The following JAK2 variants were observed in gnomAD, a reference collection of about 807,000 sequenced individuals.
JAK2 encodes the protein tyrosine-protein kinase JAK2.
In JAK2, 86 loss-of-function variants were observed where a neutral mutation model predicts 139.3. The observed-to-expected ratio is 0.62, with a 90% CI of 0.52 to 0.74. The LOEUF is 0.74. Among genes scored for constraint, JAK2 ranks in the 30% least tolerant of loss-of-function variants. The pLI, the probability that JAK2 is intolerant of heterozygous loss-of-function variation, is 0.00. For synonymous variants in JAK2, 490 were observed against 437.7 expected, an observed-to-expected ratio of 1.12 and a Z score of -1.49; for missense variants, 1,421 against 1,360.3, an observed-to-expected ratio of 1.04 and a Z score of -0.70.
chr9:5,109,511 A>C (rs1308395569), intron 22 of JAK2: 2 of 152,190 alleles, frequency 1.3e-5, no homozygotes, highest in Non-Finnish European at 2.9e-5. Context: ...GTATTTTTCC[A>C]CTACTATAAT....
chr9:5,060,531 T>A (rs944627421), intron 8 of JAK2, among the ~76,000 whole-genome samples: 1 of 152,210 alleles, frequency 6.6e-6, no homozygotes, highest in Non-Finnish European at 1.5e-5. Flanking sequence ...GAAACCATTT[T>A]TTTATGCATA....
chr9:4,989,547 T>C (rs1407416744), intron 2 of JAK2, among the ~76,000 whole-genome samples: 1 of 152,220 alleles, frequency 6.6e-6, no homozygotes, highest in African/African-American at 2.4e-5. Flanking sequence ...AAACAAATAT[T>C]TGTTAATACT....
chr9:5,085,493 T>C (rs1011581119), intron 19 of JAK2: 2 of 722,644 alleles, frequency 2.8e-6, no homozygotes, highest in African/African-American at 3.5e-5. Flanking sequence ...TCATTTTCTT[T>C]TGACCCGAGC....
intron 23 of JAK2, among the ~76,000 whole-genome samples, chr9:5,125,603 A>ATT (rs1823932570): frequency 6.6e-6 from 1 of 151,228 alleles, no homozygotes; most frequent in South Asian, 2.1e-4. Context: ...GCTGTGCCAA[A>ATT]TTATATCTCA....
intron 4 of JAK2, chr9:5,041,883 C>G: frequency 2.3e-6 from 1 of 426,976 alleles, no homozygotes; most frequent in Non-Finnish European, 4.5e-6. Context: ...CTCCAGCGCC[C>G]ATCAGGGCGC....
At chr9:5,043,153 C>A (rs1289455049) in intron 4 of JAK2, among the ~76,000 whole-genome samples, 2 of 152,228 alleles carry the variant, frequency 1.3e-5, no homozygotes, top group Non-Finnish European at 2.9e-5. Flanking sequence ...GCAGGGGGGT[C>A]TGCGGGCGGC....
chr9:5,030,426 C>T (rs1823069341), intron 4 of JAK2, among the ~76,000 whole-genome samples: 1 of 151,912 alleles, frequency 6.6e-6, no homozygotes, highest in African/African-American at 2.4e-5. Flanking sequence ...AAGGATGAAA[C>T]AAAGATACGT....
In JAK2 at chr9:5,127,479, AC is replaced by A. The variant is rs1033781414; in HGVS notation, c.*689del. The A allele has an allele frequency of 3.3e-4, 76 of 231,312 alleles. No homozygotes were observed. Among genetic ancestry groups the A allele is most frequent in the African/African-American group, 1.6e-3 (72 of 45,318 alleles). 14.3% of individuals were successfully genotyped at this position (231,312 alleles called of 1,614,324 possible). ...GGAAATTTCCCTGACCCTAAATAAT[AC>A]ATTTTGAAATGAAACAAGCTTACAA... On this transcript the variant is annotated 3_prime_UTR_variant, in exon 25 of 25. Transcript: ENST00000381652.
At chr9:5,086,049 A>C (rs1272386783) in intron 19 of JAK2, 1 of 739,946 alleles carries the variant, frequency 1.4e-6, no homozygotes, top group Non-Finnish European at 2.5e-6. Flanking sequence ...TAAATGCTTC[A>C]CAAGATTAAA....
At chr9:5,002,540 G>C (rs1459113632) in intron 2 of JAK2, among the ~76,000 whole-genome samples, 1 of 151,912 alleles carries the variant, frequency 6.6e-6, no homozygotes, top group East Asian at 1.9e-4. Flanking sequence ...ATTGGTTTAT[G>C]GACCAACCTA....
Position 5,030,039 on chromosome 9 carries a change from T to A in JAK2, c.350+133T>A, listed in dbSNP as rs1452072116. On this transcript the variant is annotated intron_variant, in intron 4 of 24. Coordinates refer to ENST00000381652, the MANE Select transcript of JAK2 (RefSeq NM_004972.4). ...TAGTTAGCACTCATTTAAGATTTCA[T>A]TTAAGATTCTATTCTGTTTCTCCAT... 4.4e-6 allele frequency: 3 copies of A among 681,702 alleles called. No homozygotes were observed. The African/African-American group carries it at 5.5e-5, about 12-fold the overall frequency. 42.2% of individuals were successfully genotyped at this position (681,702 alleles called of 1,614,324 possible).
At chr9:4,992,701 T>G (rs181469547) in intron 2 of JAK2, among the ~76,000 whole-genome samples, 358 of 152,292 alleles carry the variant, frequency 2.4e-3, no homozygotes, top group Non-Finnish European at 2.9e-3. Context: ...TGGTTCTTCT[T>G]GAACTGAGGA....
rs28470704 is a variant in JAK2 at position 5,049,012 on chromosome 9, T to A, written c.469-1674T>A. On this transcript the variant is annotated intron_variant, in intron 5 of 24. Transcript: ENST00000381652. ...AGTCAGATTTATCTGTATTCCTAAA[T>A]CCTCCAGGTCAAAATCGTAGAACCT... Among the ~76,000 whole-genome samples the A allele has an allele frequency of 2.0e-3, 301 of 152,316 alleles. 1 individual carries two copies. Among genetic ancestry groups the A allele is most frequent in the African/African-American group, 6.9e-3 (285 of 41,570 alleles).
At chr9:5,096,074 T>A (rs752979559) in intron 22 of JAK2, among the ~76,000 whole-genome samples, 26 of 152,170 alleles carry the variant, frequency 1.7e-4, no homozygotes, top group Non-Finnish European at 2.9e-4. Flanking sequence ...ATTATAGCTA[T>A]CATAACACTA....
chr9:5,001,358 C>T (rs1820915345), intron 2 of JAK2, among the ~76,000 whole-genome samples: 1 of 152,048 alleles, frequency 6.6e-6, no homozygotes, highest in Non-Finnish European at 1.5e-5. Context: ...AGGAAATTCC[C>T]TTCTTTTTCT....
intron 2 of JAK2, among the ~76,000 whole-genome samples, chr9:4,988,288 A>G (rs1820076118): frequency 6.6e-6 from 1 of 152,152 alleles, no homozygotes; most frequent in Non-Finnish European, 1.5e-5. Context: ...AGATACCTAC[A>G]CCCGTTTCTA....
Position 5,126,432 on chromosome 9 carries a change from G to A in JAK2, c.3277G>A (p.Gly1093Arg). 2 of 1,605,562 alleles carry A rather than the reference G, an allele frequency of 1.2e-6. No individual in the cohort carries two copies. The highest frequency in any genetic ancestry group is 1.7e-6 in the Non-Finnish European group (2 of 1,173,912). The change falls in exon 24 of 25, where the codon GGA (glycine) becomes AGA (arginine). Residue 1093 changes from glycine (G) to arginine (R), a missense_variant. Gly to Arg is a moderately radical substitution (Grantham distance 125). Coordinates refer to ENST00000381652, the MANE Select transcript of JAK2 (RefSeq NM_004972.4). ...TAATGGAAGATTACCAAGACCAGAT[G>A]GATGCCCAGATGAGGTAACAATTTT... ...KNNGRLPRPD[G>R]CPDEIYMIMT...
chr9:5,007,530 G>A (rs1821387174), intron 2 of JAK2, among the ~76,000 whole-genome samples: 1 of 151,664 alleles, frequency 6.6e-6, no homozygotes, highest in African/African-American at 2.4e-5. Context: ...TTTTTGTTGA[G>A]GTATTAAGAA....
At chr9:5,089,600 A>G (rs917935978) in intron 19 of JAK2, 74 bp from the exon 20 acceptor site, 1 of 568,204 alleles carries the variant, frequency 1.8e-6, no homozygotes, top group Non-Finnish European at 2.7e-6. Flanking sequence ...AGAATTTTCT[A>G]TATAATTATA....
Sources: allele counts gnomAD v4.1 joint callset (sites outside exome capture counted in the v4.1 genomes callset), GRCh38; gene constraint gnomAD v4.1.1; transcripts MANE v1.5; gene names NCBI Gene and HGNC (gene_info 2026-07-23, HGNC 2026-07-21).